The following SYTL3 variants were observed in gnomAD, a reference collection of about 807,000 sequenced individuals.
SYTL3 encodes the protein synaptotagmin-like protein 3.
In SYTL3, 88 loss-of-function variants were observed where a neutral mutation model predicts 82.1. The ratio of observed to expected loss-of-function variants is 1.07; its 90% CI spans 0.90 to 1.28. The LOEUF (loss-of-function observed/expected upper bound fraction) is 1.28, where lower values mean the gene tolerates loss of function less well. SYTL3 is among the 50% of genes most tolerant of loss of function. SYTL3 has a pLI of 0.00. For synonymous variants in SYTL3, 311 were observed against 289.4 expected (o/e 1.07, Z -0.76); for missense variants, 831 against 757.6 (o/e 1.10, Z -1.14).
intron 9 of SYTL3, among the ~76,000 whole-genome samples, chr6:158,717,653 C>T (rs1024480808): frequency 7.2e-5 from 11 of 152,138 alleles, no homozygotes; most frequent in Non-Finnish European, 1.5e-4. Flanking sequence ...ATTTTTACCT[C>T]GCTTCAAAAA....
chr6:158,742,537 C>A (rs1240144865), intron 11 of SYTL3, among the ~76,000 whole-genome samples: 1 of 151,542 alleles, frequency 6.6e-6, no homozygotes, highest in Non-Finnish European at 1.5e-5. Flanking sequence ...CCAGTTTTTT[C>A]CTCTCTAGTA....
chr6:158,702,572 C>T (rs1174324040), intron 6 of SYTL3, among the ~76,000 whole-genome samples: 2 of 151,718 alleles, frequency 1.3e-5, no homozygotes, highest in Non-Finnish European at 2.9e-5. Context: ...AGAAGTTACT[C>T]AGCTTTCTGG....
At chr6:158,731,882 C>T (rs1222274560) in intron 11 of SYTL3, among the ~76,000 whole-genome samples, 2 of 152,174 alleles carry the variant, frequency 1.3e-5, no homozygotes, top group African/African-American at 2.4e-5. Flanking sequence ...CGTGAGCCAC[C>T]GTGCCTGGCC....
intron 5 of SYTL3, among the ~76,000 whole-genome samples, chr6:158,676,123 C>G (rs1778002627): frequency 6.6e-6 from 1 of 152,182 alleles, no homozygotes; most frequent in South Asian, 2.1e-4. Flanking sequence ...AAGAACAAAG[C>G]TGGAGGCATC....
chr6:158,763,020 A>T (rs1250689965), intron 16 of SYTL3, among the ~76,000 whole-genome samples: 1 of 152,322 alleles, frequency 6.6e-6, no homozygotes, highest in Middle Eastern at 3.4e-3. Context: ...TTAAAAGGAG[A>T]TAACGTGTAT....
chr6:158,743,902 T>G (rs1208656017), intron 11 of SYTL3, among the ~76,000 whole-genome samples: 1 of 152,078 alleles, frequency 6.6e-6, no homozygotes, highest in Non-Finnish European at 1.5e-5. Flanking sequence ...GTCTGATGAC[T>G]TGTTGGTATT....
chr6:158,658,356 A>G (rs978715594), intron 2 of SYTL3, among the ~76,000 whole-genome samples: 5 of 152,226 alleles, frequency 3.3e-5, no homozygotes, highest in African/African-American at 7.2e-5. Context: ...ACAATCATAT[A>G]TACTCCACAC....
chr6:158,654,329 G>A (rs943957016), intron 2 of SYTL3, among the ~76,000 whole-genome samples: 5 of 152,120 alleles, frequency 3.3e-5, no homozygotes, highest in Non-Finnish European at 5.9e-5. Context: ...TTAGATCCTC[G>A]ATATCTGGCA....
chr6:158,678,224 A>G (rs1778281937), intron 5 of SYTL3, among the ~76,000 whole-genome samples: 1 of 151,912 alleles, frequency 6.6e-6, no homozygotes, highest in African/African-American at 2.4e-5. Context: ...ATCTCTGGAG[A>G]CCTCCTTGCC....
intron 12 of SYTL3, 100 bp downstream of exon 12, chr6:158,745,758 AAAAC>A (rs1019946851): frequency 2.2e-5 from 23 of 1,037,192 alleles, no homozygotes; most frequent in Admixed American, 6.2e-5. Flanking sequence ...ATTAAAAAAA[AAAAC>A]AAAATGAAAA....
intron 13 of SYTL3, among the ~76,000 whole-genome samples, chr6:158,753,054 A>G (rs142708454): frequency 0.011 from 1,594 of 147,940 alleles, 22 homozygotes; most frequent in African/African-American, 0.037. Flanking sequence ...GGGGATTTAC[A>G]TTTTTAAAAC....
At chr6:158,703,844 A>ATTATTAT (rs1472683157) in intron 6 of SYTL3, among the ~76,000 whole-genome samples, 1 of 148,524 alleles carries the variant, frequency 6.7e-6, no homozygotes, top group African/African-American at 2.5e-5. Context: ...TATTATTATT[A>ATTATTAT]TTATTATTAT....
upstream of SYTL3, among the ~76,000 whole-genome samples, chr6:158,647,527 C>A (rs1787558077): frequency 6.6e-6 from 1 of 152,148 alleles, no homozygotes; most frequent in South Asian, 2.1e-4. Flanking sequence ...GGTTTGAATT[C>A]TCTAGGCTTA....
chr6:158,761,999 C>A lies in SYTL3; in HGVS notation c.1415-77C>A, dbSNP rs772820841. On this transcript the variant is annotated intron_variant, in intron 15 of 17. Coordinates refer to ENST00000611299, the MANE Select transcript of SYTL3 (RefSeq NM_001242394.2). ...GTAGCAGATTCTCTAGCTGAGCTCT[C>A]GGTTTTGGGGTGGTGGTACTGCATA... 5.9e-6 allele frequency: 6 copies of A among 1,021,038 alleles called. No individual in the cohort carries two copies. In the South Asian group the frequency reaches 8.4e-5, roughly 14 times the overall value. The allele number at this position is 1,021,038 out of a possible 1,614,324, so 63.2% of individuals were successfully genotyped here.
At chr6:158,756,769 CATT>C (rs1176583261) in intron 13 of SYTL3, among the ~76,000 whole-genome samples, 1 of 59,974 alleles carries the variant, frequency 1.7e-5, no homozygotes, top group East Asian at 5.5e-4. Context: ...GGCCTGTTAT[CATT>C]ATTTTTGGCC....
Position 158,684,950 on chromosome 6 carries a change from A to G in SYTL3, c.394+1961A>G, listed in dbSNP as rs1182622749. On this transcript the variant is annotated intron_variant, in intron 6 of 17. Transcript: ENST00000611299. ...AGCCAGTGTTTCTCAACAGCTTCTT[A>G]CCGCCACCCTCTCCCCTACCCCACA... 2.0e-5 allele frequency among the ~76,000 whole-genome samples: 3 copies of G among 152,066 alleles called. No homozygotes were observed. The East Asian group carries it at 5.8e-4, about 29-fold the overall frequency.
intron 11 of SYTL3, among the ~76,000 whole-genome samples, chr6:158,728,230 G>T (rs1440424674): frequency 3.3e-5 from 5 of 151,996 alleles, no homozygotes; most frequent in Admixed American, 6.6e-5. Flanking sequence ...TACCTTCAGG[G>T]CTGTGCTCCA....
chr6:158,749,735 G>A (rs1029541892), intron 12 of SYTL3, among the ~76,000 whole-genome samples: 4 of 151,982 alleles, frequency 2.6e-5, no homozygotes, highest in African/African-American at 7.2e-5. Flanking sequence ...CAATCCTTCC[G>A]CCTTGGCCTC....
chr6:158,749,901 C>CT (rs1788178198), intron 12 of SYTL3, among the ~76,000 whole-genome samples: 1 of 152,140 alleles, frequency 6.6e-6, no homozygotes, highest in Non-Finnish European at 1.5e-5. Context: ...TTGGCATCAT[C>CT]TAGAAGAGTT....
Sources: gnomAD v4.1 joint callset for allele counts (sites outside exome capture counted in the v4.1 genomes callset) on GRCh38, gnomAD v4.1.1 for gene constraint, MANE v1.5 for transcripts, NCBI Gene and HGNC (gene_info 2026-07-23, HGNC 2026-07-21) for gene names.